Variants in NWD1 observed in about 807,000 individuals in gnomAD.
NWD1 encodes the protein NACHT domain- and WD repeat-containing protein 1.
A neutral mutation model predicts 135.1 loss-of-function variants in NWD1; 129 were observed. That is an observed-to-expected ratio of 0.96 (90% CI 0.83 to 1.11). The LOEUF (loss-of-function observed/expected upper bound fraction) is 1.11. NWD1 is among the 50% of genes least tolerant of loss of function. The probability of loss-of-function intolerance (pLI) is 0.00; values close to 1 mark genes in which losing one functional copy is unlikely to be tolerated. For missense variants in NWD1, 1,740 were observed against 1,851.3 expected (o/e 0.94, Z 1.10); for synonymous variants, 773 against 786.0 (o/e 0.98, Z 0.28).
At chr19:16,735,130 G>A (rs1967739331) in intron 3 of NWD1, among the ~76,000 whole-genome samples, 1 of 152,092 alleles carries the variant, frequency 6.6e-6, no homozygotes, top group African/African-American at 2.4e-5. Flanking sequence ...ACAGTACGGA[G>A]TTCCCATACA....
chr19:16,738,165 G>C (rs942463965), intron 4 of NWD1: 7 of 440,510 alleles, frequency 1.6e-5, no homozygotes, highest in African/African-American at 1.4e-4. Flanking sequence ...GAGTTTAGTC[G>C]TTCTGACAGA....
chr19:16,722,104 C>T (rs912704627), intron 1 of NWD1, among the ~76,000 whole-genome samples: 12 of 141,964 alleles, frequency 8.5e-5, no homozygotes, highest in African/African-American at 2.9e-4. Context: ...TGGAGTGAGA[C>T]CCTGTCTCTT....
At chr19:16,743,992 T>G (rs1448250643) in intron 4 of NWD1, among the ~76,000 whole-genome samples, 1 of 152,086 alleles carries the variant, frequency 6.6e-6, no homozygotes, top group Non-Finnish European at 1.5e-5. Flanking sequence ...CGATATACAT[T>G]TATTAATACA....
chr19:16,793,694 C>T (rs545287877), intron 14 of NWD1, among the ~76,000 whole-genome samples: 2 of 151,640 alleles, frequency 1.3e-5, no homozygotes, highest in South Asian at 4.2e-4. Flanking sequence ...CTCCTGCCTC[C>T]GCCTCCCCAG....
rs1450442479 is a variant in NWD1, at chr19:16,816,308, G to A, written c.*1269G>A. 6.6e-6 allele frequency: 1 copy of A among 152,178 alleles called. No homozygotes were observed. The highest frequency in any genetic ancestry group is 1.5e-5 in the Non-Finnish European group (1 of 68,038). 9.4% of individuals were successfully genotyped at this position (152,178 alleles called of 1,614,324 possible). On this transcript the variant is annotated 3_prime_UTR_variant, in exon 19 of 19. Transcript: ENST00000524140. ...GAAATCCAGACTTTTATGCAAAAATGTTCTGACTTTTAAAGTTGGCGATTG... is the reference window on the plus strand; with the variant it reads ...GAAATCCAGACTTTTATGCAAAAATATTCTGACTTTTAAAGTTGGCGATTG...
At chr19:16,802,461 A>AT (rs1385108668) in intron 17 of NWD1, among the ~76,000 whole-genome samples, 1 of 116,682 alleles carries the variant, frequency 8.6e-6, no homozygotes, top group Admixed American at 8.3e-5. Context: ...CCCTATCTCA[A>AT]TTAAAAAAAA....
rs1051413772 is a variant in NWD1, at chr19:16,817,859, C to T, written c.*2820C>T. 1 of 152,148 alleles carries T rather than the reference C, an allele frequency of 6.6e-6. No homozygotes were observed. The highest frequency in any genetic ancestry group is 1.5e-5 in the Non-Finnish European group (1 of 68,030). 9.4% of individuals were successfully genotyped at this position (152,148 alleles called of 1,614,324 possible). A position where few individuals can be genotyped will look rare whatever the true frequency, so the allele number is the denominator to read the frequency against. ...AATTCTGATTTTAAATGCCTGTGTC[C>T]ATCTCCACAGCCTCAGTGAGAATTG... On this transcript the variant is annotated 3_prime_UTR_variant, in exon 19 of 19. Coordinates refer to ENST00000524140, the MANE Select transcript of NWD1 (RefSeq NM_001007525.5).
intron 10 of NWD1, among the ~76,000 whole-genome samples, chr19:16,765,669 G>T (rs1317907584): frequency 1.3e-5 from 2 of 152,012 alleles, no homozygotes; most frequent in African/African-American, 4.8e-5. Context: ...GGAGAGCTTT[G>T]GACTGAATAC....
At chr19:16,785,822 T>C (rs904300383) in intron 12 of NWD1, among the ~76,000 whole-genome samples, 115 of 149,936 alleles carry the variant, frequency 7.7e-4, no homozygotes, top group African/African-American at 2.6e-3. Context: ...TTTTTATCAA[T>C]GTTTTGCCAT....
chr19:16,738,207 ACTGT>A, intron 4 of NWD1: 1 of 454,484 alleles, frequency 2.2e-6, no homozygotes, highest in South Asian at 1.6e-5. Flanking sequence ...AAAAGTATTG[ACTGT>A]CTGACTTTTT....
At position 16,817,529 on chromosome 19, in the gene NWD1, G is replaced by A. The variant is rs1465768421; in HGVS notation, c.*2490G>A. The A allele has an allele frequency of 6.7e-6, 1 of 150,180 alleles. No homozygotes were observed. Among genetic ancestry groups the A allele is most frequent in the African/African-American group, 2.5e-5 (1 of 40,690 alleles). The allele number at this position is 150,180 out of a possible 1,614,324, so 9.3% of individuals were successfully genotyped here. On this transcript the variant is annotated 3_prime_UTR_variant, in exon 19 of 19. Transcript: ENST00000524140. ...AGGCAGGAGAATGGCTTGAACCCGGGAGGCGGAGGTTGCAGTGAGCCGAGA... is the reference window on the plus strand; with the variant it reads ...AGGCAGGAGAATGGCTTGAACCCGGAAGGCGGAGGTTGCAGTGAGCCGAGA...
At chr19:16,755,911 T>C (rs1045129438) in intron 6 of NWD1, among the ~76,000 whole-genome samples, 15 of 152,158 alleles carry the variant, frequency 9.9e-5, no homozygotes, top group South Asian at 8.3e-4. Flanking sequence ...TCTCCCAACG[T>C]ACCTCAAAAT....
intron 9 of NWD1, among the ~76,000 whole-genome samples, chr19:16,764,674 C>T (rs1417037049): frequency 1.3e-5 from 2 of 152,220 alleles, no homozygotes; most frequent in South Asian, 2.1e-4. Context: ...CCAATCCACC[C>T]AACATTCTTT....
intron 2 of NWD1, among the ~76,000 whole-genome samples, chr19:16,726,901 C>T (rs1031224425): frequency 2.6e-5 from 4 of 152,038 alleles, no homozygotes; most frequent in Admixed American, 2.6e-4. Flanking sequence ...GGTCTCCAGA[C>T]ATTGCAAGTG....
At chr19:16,769,576 GACTC>G (rs1969345101) in intron 10 of NWD1, among the ~76,000 whole-genome samples, 2 of 152,022 alleles carry the variant, frequency 1.3e-5, no homozygotes, top group Admixed American at 6.6e-5. Flanking sequence ...GGCTGTGTAT[GACTC>G]ACTCTCCTGG....
intron 3 of NWD1, among the ~76,000 whole-genome samples, chr19:16,733,117 A>G (rs1967646265): frequency 6.6e-6 from 1 of 151,988 alleles, no homozygotes; most frequent in African/African-American, 2.4e-5. Context: ...GCTACTGGGG[A>G]GGCTGAGGTG....
chr19:16,746,080 T>G (rs191362966), intron 5 of NWD1, among the ~76,000 whole-genome samples: 26 of 152,214 alleles, frequency 1.7e-4, no homozygotes, highest in Admixed American at 1.5e-3. Context: ...GTTGACCAGG[T>G]GTGGTGGCTC....
intron 12 of NWD1, among the ~76,000 whole-genome samples, chr19:16,783,041 CT>C (rs111618636): frequency 0.14 from 16,549 of 119,122 alleles, 1,791 homozygotes; most frequent in African/African-American, 0.33. Flanking sequence ...TTCTTTCTTT[CT>C]TTTTTTTTTT....
intron 10 of NWD1, among the ~76,000 whole-genome samples, chr19:16,769,459 TAA>T (rs35986056): frequency 3.4e-5 from 5 of 148,012 alleles, no homozygotes; most frequent in Admixed American, 6.7e-5. Context: ...AAAATTCCAT[TAA>T]AAAAAAAAAA....
Sources: allele counts gnomAD v4.1 joint callset (sites outside exome capture counted in the v4.1 genomes callset), GRCh38; gene constraint gnomAD v4.1.1; transcripts MANE v1.5; gene names NCBI Gene and HGNC (gene_info 2026-07-23, HGNC 2026-07-21).